Variants in MBP observed in about 807,000 individuals in gnomAD.
MBP encodes the protein Golli-MBP.
MBP carries 16 observed loss-of-function variants against 35.8 expected under a neutral mutation model. The ratio of observed to expected loss-of-function variants is 0.45; its 90% confidence interval spans 0.30 to 0.68. MBP has a LOEUF of 0.68. Among genes scored for constraint, MBP ranks in the 30% least tolerant of loss-of-function variants. The probability of loss-of-function intolerance (pLI) is 0.08; values close to 1 mark genes in which losing one functional copy is unlikely to be tolerated. For missense variants in MBP, 380 were observed against 404.7 expected (o/e 0.94, Z 0.52); for synonymous variants, 143 against 159.6 (o/e 0.90, Z 0.78).
chr18:76,980,344 A>G lies in MBP; in HGVS notation c.*83T>C, dbSNP rs762090022. On this transcript the variant is annotated 3_prime_UTR_variant, in exon 9 of 9. Transcript: ENST00000355994. ...AGGGGAGGGGTCATCTGCTCTAATT[A>G]GGTAACAGGGGCAAGTGGGATTAAA... The G allele has an allele frequency of 3.1e-6, 4 of 1,281,474 alleles. No individual in the cohort carries two copies. The highest frequency in any genetic ancestry group is 4.6e-6 in the Non-Finnish European group (4 of 876,274). 79.4% of individuals were successfully genotyped at this position (1,281,474 alleles called of 1,614,324 possible). A position where few individuals can be genotyped will look rare whatever the true frequency, so the allele number is the denominator to read the frequency against.
intron 3 of MBP, among the ~76,000 whole-genome samples, chr18:77,059,995 ACT>A (rs1161285573): frequency 2.0e-5 from 3 of 152,030 alleles, no homozygotes; most frequent in Non-Finnish European, 4.4e-5. Context: ...GACGGAATAG[ACT>A]CTTTGTGGCA....
intron 2 of MBP, among the ~76,000 whole-genome samples, chr18:77,099,955 A>T (rs1320487659): frequency 2.0e-5 from 3 of 152,266 alleles, no homozygotes; most frequent in African/African-American, 4.8e-5. Context: ...AGGAGGTGTC[A>T]GACATGGCGG....
intron 3 of MBP, among the ~76,000 whole-genome samples, chr18:77,047,596 G>A (rs1046264842): frequency 3.3e-5 from 5 of 152,194 alleles, no homozygotes; most frequent in African/African-American, 9.7e-5. Flanking sequence ...ACTAAAAACC[G>A]TTAATGTGTA....
chr18:77,098,168 CTTTTTTTTTTT>C (rs3214873), intron 2 of MBP, among the ~76,000 whole-genome samples: 2 of 108,546 alleles, frequency 1.8e-5, no homozygotes, highest in South Asian at 3.4e-4. Flanking sequence ...CAAGGACTTC[CTTTTTTTTTTT>C]TTTTTTTTTT....
intron 3 of MBP, among the ~76,000 whole-genome samples, chr18:77,062,163 ACTC>A (rs1974008911): frequency 6.6e-6 from 1 of 151,676 alleles, no homozygotes; most frequent in Non-Finnish European, 1.5e-5. Context: ...TCTTTTGGCC[ACTC>A]CTCTCCTCCC....
chr18:77,044,671 C>T lies in MBP; in HGVS notation c.139+21627G>A, dbSNP rs189603900. 1.2e-3 allele frequency among the ~76,000 whole-genome samples: 190 copies of T among 152,224 alleles called. 2 individuals are homozygous for T. The East Asian group carries it at 0.028, about 22-fold the overall frequency. ...AGCCCCTCACACACACGAGGGGCCC[C>T]GGAATCACCTGCCACGTGAATAAAC... On this transcript the variant is annotated intron_variant, in intron 3 of 8. Coordinates refer to ENST00000355994, the MANE Select transcript of MBP (RefSeq NM_001025101.2). This position sits in a 1 kb window ranked among gnomAD's most constrained non-coding sequence, Gnocchi z 4.4.
chr18:77,034,218 T>C (rs1319879527), intron 3 of MBP, among the ~76,000 whole-genome samples: 1 of 152,100 alleles, frequency 6.6e-6, no homozygotes, highest in Non-Finnish European at 1.5e-5. Flanking sequence ...GGGGACCATG[T>C]GCATGTCCAG....
At chr18:77,082,100 C>T (rs1335162341) in intron 2 of MBP, among the ~76,000 whole-genome samples, 8 of 151,984 alleles carry the variant, frequency 5.3e-5, no homozygotes, top group Non-Finnish European at 8.8e-5. Flanking sequence ...GATCCGCCCG[C>T]CTCGGCCTCC....
In MBP at chr18:77,068,175, C is replaced by T. The variant is rs78978772; in HGVS notation, c.52-1790G>A. 1.2e-3 allele frequency among the ~76,000 whole-genome samples: 186 copies of T among 152,232 alleles called. 3 individuals are homozygous for T. The East Asian group carries it at 0.029, about 24-fold the overall frequency. ...GTGTGATTAACAGATAAAAAACACACGGGTTATTGGACTCACAAAATTGAG... is the reference window on the plus strand; with the variant it reads ...GTGTGATTAACAGATAAAAAACACATGGGTTATTGGACTCACAAAATTGAG... On this transcript the variant is annotated intron_variant, in intron 2 of 8. Coordinates refer to ENST00000355994, the MANE Select transcript of MBP (RefSeq NM_001025101.2).
At position 77,106,492 on chromosome 18, in the gene MBP, T is replaced by C. The variant is rs1001243851; in HGVS notation, c.-25-1206A>G. ...CCGGAGTCCACCTCCCTCACGTGTG[T>C]GGGAGACGACTAGCAGCCGACCACA... On this transcript the variant is annotated intron_variant, in intron 1 of 8. Transcript: ENST00000355994. Among the ~76,000 whole-genome samples the C allele has an allele frequency of 9.9e-5, 15 of 152,048 alleles. 1 individual carries two copies. The highest frequency in any genetic ancestry group is 8.3e-4 in the South Asian group (4 of 4,814).
rs1969446315 is a variant in MBP at position 76,984,886 on chromosome 18, T to C, written c.759A>G (p.Glu253=). ...LSLSRFSWGA[E]GQRPGFGYGG... is the part of the protein sequence containing the mutation. ...CGTAGCCAAATCCTGGTCTCTGGCC[T>C]TCGGCCCCCTGCAAGAGAAGACCAC... Residue 253 remains glutamate, a synonymous_variant, in exon 8 of 9, where the codon GAA becomes GAG. Coordinates refer to ENST00000355994, the MANE Select transcript of MBP (RefSeq NM_001025101.2). 6.2e-7 allele frequency: 1 copy of C among 1,613,382 alleles called. No individual in the cohort carries two copies.
chr18:77,109,686 G>A (rs1431954196), intron 1 of MBP: 1 of 152,216 alleles, frequency 6.6e-6, no homozygotes, highest in South Asian at 2.1e-4. Flanking sequence ...AATGTAGGGA[G>A]CAAACATCGT....
Position 76,988,142 on chromosome 18 carries a change from C to A in MBP, c.750+353G>T, listed in dbSNP as rs1006527901. The A allele has an allele frequency of 3.1e-5, 47 of 1,532,538 alleles. No homozygotes were observed. Among genetic ancestry groups the A allele is most frequent in the Non-Finnish European group, 4.0e-5 (46 of 1,144,444 alleles). 94.9% of individuals were successfully genotyped at this position (1,532,538 alleles called of 1,614,324 possible). On this transcript the variant is annotated intron_variant, in intron 7 of 8. Coordinates refer to ENST00000355994, the MANE Select transcript of MBP (RefSeq NM_001025101.2). The surrounding 1 kb of genome is among the most constrained non-coding windows in gnomAD (Gnocchi z 5.2). ...TTCCACATGCGGGTTCCTGGGGCTTCTCGCACTGGTTGTGTTGGAGGAAGT... is the reference window on the plus strand; with the variant it reads ...TTCCACATGCGGGTTCCTGGGGCTTATCGCACTGGTTGTGTTGGAGGAAGT...
intron 3 of MBP, among the ~76,000 whole-genome samples, chr18:77,038,932 C>T (rs1332578756): frequency 4.6e-5 from 7 of 152,172 alleles, no homozygotes; most frequent in African/African-American, 1.4e-4. Context: ...CAGTGAGAGG[C>T]GTCTTCAAAC....
chr18:77,124,578 G>C (rs1282710359), intron 1 of MBP, among the ~76,000 whole-genome samples: 1 of 152,210 alleles, frequency 6.6e-6, no homozygotes, highest in Non-Finnish European at 1.5e-5. Context: ...CTGGGTGCCT[G>C]TCTCAGGTGA....
intron 1 of MBP, among the ~76,000 whole-genome samples, chr18:77,120,341 G>A (rs1048102146): frequency 1.3e-5 from 2 of 152,216 alleles, no homozygotes; most frequent in Non-Finnish European, 2.9e-5. Context: ...ACACACCTGG[G>A]AGGCTGCAGA....
Position 77,100,635 on chromosome 18 carries a change from C to T in MBP, c.51+4576G>A, listed in dbSNP as rs577599190. Among the ~76,000 whole-genome samples the T allele has an allele frequency of 3.3e-5, 5 of 151,966 alleles. No homozygotes were observed. In the South Asian group the frequency reaches 8.3e-4, roughly 25 times the overall value. On this transcript the variant is annotated intron_variant, in intron 2 of 8. Transcript: ENST00000355994. The stretch of plus-strand genomic sequence containing the variant: ...GTGTGATCATGGCTCACCGTAGCCT[C>T]GACCTCTCCAGGCTCAGGTGATCTT...
At chr18:77,037,730 T>C (rs1388817188) in intron 3 of MBP, among the ~76,000 whole-genome samples, 2 of 152,202 alleles carry the variant, frequency 1.3e-5, no homozygotes, top group African/African-American at 4.8e-5. Flanking sequence ...TCAGCCTCTC[T>C]GATGAAGCTG....
intron 3 of MBP, among the ~76,000 whole-genome samples, chr18:77,022,611 C>CT (rs1448713866): frequency 1.6e-4 from 24 of 152,178 alleles, no homozygotes; most frequent in Non-Finnish European, 4.4e-5. Flanking sequence ...TATAGCTGTG[C>CT]TTTATGTTCT....
Sources: gnomAD v4.1 joint callset for allele counts (sites outside exome capture counted in the v4.1 genomes callset) on GRCh38, gnomAD v4.1.1 for gene constraint, Gnocchi (gnomAD v3.1) non-coding constraint, MANE v1.5 for transcripts, NCBI Gene and HGNC (gene_info 2026-07-23, HGNC 2026-07-21) for gene names.